Variants in RAB3GAP2 observed in about 807,000 individuals in gnomAD.
RAB3GAP2 encodes the protein rab3 GTPase-activating protein non-catalytic subunit.
A neutral mutation model predicts 185.3 loss-of-function variants in RAB3GAP2; 87 were observed. The ratio of observed to expected loss-of-function variants is 0.47; its 90% CI spans 0.39 to 0.56. The LOEUF (loss-of-function observed/expected upper bound fraction) is 0.56. Ranked by LOEUF, RAB3GAP2 falls within the 20% of genes least tolerant of loss-of-function variation. The probability of loss-of-function intolerance (pLI) is 0.00; values close to 1 mark genes in which losing one functional copy is unlikely to be tolerated. For missense variants in RAB3GAP2, 1,492 were observed against 1,638.2 expected, an observed-to-expected ratio of 0.91 and a Z score of 1.54; for synonymous variants, 554 against 576.1, an observed-to-expected ratio of 0.96 and a Z score of 0.55.
Position 220,191,105 on chromosome 1 carries a change from G to A in RAB3GAP2, c.1450C>T (p.Pro484Ser), listed in dbSNP as rs757786590. 13 of 1,613,896 alleles carry A rather than the reference G, an allele frequency of 8.1e-6. No individual in the cohort carries two copies. The highest frequency in any genetic ancestry group is 1.1e-5 in the Non-Finnish European group (13 of 1,179,946). ...ILEVWSTQQG[P>S]RVGAFNVGKH... Reference sequence around the variant, plus strand: ...CCCACATTGAAAGCTCCTACTCTAGGTCCCTGCTGTGTGCTCCACACTTCT... The same window carrying A: ...CCCACATTGAAAGCTCCTACTCTAGATCCCTGCTGTGTGCTCCACACTTCT... The change falls in exon 14 of 35, where the codon CCT (proline) becomes TCT (serine). Residue 484 changes from proline to serine, a missense_variant. Coordinates refer to ENST00000358951, the MANE Select transcript of RAB3GAP2 (RefSeq NM_012414.4).
At chr1:220,160,681 C>G (rs1296818096) in intron 28 of RAB3GAP2, among the ~76,000 whole-genome samples, 2 of 152,222 alleles carry the variant, frequency 1.3e-5, no homozygotes, top group African/African-American at 4.8e-5. Context: ...TGCCTCATAT[C>G]TCCAGGACTG....
At chr1:220,165,854 T>C (rs1428500619) in intron 26 of RAB3GAP2, among the ~76,000 whole-genome samples, 2 of 152,228 alleles carry the variant, frequency 1.3e-5, no homozygotes, top group Non-Finnish European at 2.9e-5. Flanking sequence ...TTACAAGCTC[T>C]ATGCAGCAAC....
chr1:220,212,493 T>TA (rs929746111), intron 4 of RAB3GAP2, among the ~76,000 whole-genome samples: 3 of 150,908 alleles, frequency 2.0e-5, no homozygotes, highest in African/African-American at 7.3e-5. Context: ...TTTCTTATTC[T>TA]AAAAAATTTT....
chr1:220,191,546 C>G (rs1658620662), intron 13 of RAB3GAP2, among the ~76,000 whole-genome samples: 1 of 152,078 alleles, frequency 6.6e-6, no homozygotes, highest in Non-Finnish European at 1.5e-5. Context: ...TGGCTGGGCA[C>G]AGTGGGTCAT....
chr1:220,185,458 A>C (rs971839824), intron 18 of RAB3GAP2, among the ~76,000 whole-genome samples, 193 bp downstream of exon 18: 1 of 152,172 alleles, frequency 6.6e-6, no homozygotes, highest in African/African-American at 2.4e-5. Context: ...CAGTCAATAC[A>C]TTCAAAGACA....
intron 1 of RAB3GAP2, 100 bp from the exon 2 acceptor site, chr1:220,232,963 G>A: frequency 1.1e-6 from 1 of 925,760 alleles, no homozygotes; most frequent in African/African-American, 1.6e-5. Context: ...CCTGTATAAT[G>A]CTGATATTAA....
chr1:220,214,946 T>TATATATA lies in RAB3GAP2; in HGVS notation c.181-968_181-967insTATATAT, dbSNP rs1659158999. 1.0e-3 allele frequency among the ~76,000 whole-genome samples: 93 copies of TATATATA among 89,620 alleles called. 3 individuals carry two copies. In the East Asian group the frequency reaches 0.034, roughly 33 times the overall value. The allele number at this position is 89,620 out of a possible 152,430, so 58.8% of individuals were successfully genotyped here. Reference sequence around the variant, plus strand: ...CCTTTTTCTTACAAGAATAGTAGCATTATATATATATATATATATATATAT... The same window carrying TATATATA: ...CCTTTTTCTTACAAGAATAGTAGCATATATATATATATATATATATATATATATATAT... On this transcript the variant is annotated intron_variant, in intron 2 of 34. Transcript: ENST00000358951.
chr1:220,236,921 T>C (rs1388474712), intron 1 of RAB3GAP2, among the ~76,000 whole-genome samples: 1 of 152,230 alleles, frequency 6.6e-6, no homozygotes, highest in East Asian at 1.9e-4. Context: ...GGAATATTAC[T>C]ATAAGGCCTT....
intron 21 of RAB3GAP2, among the ~76,000 whole-genome samples, chr1:220,173,499 T>C (rs1339633115): frequency 6.6e-6 from 1 of 152,190 alleles, no homozygotes; most frequent in African/African-American, 2.4e-5. Context: ...TTAGTTTAAA[T>C]GAATTATTTC....
chr1:220,179,758 G>A (rs1658365349), intron 21 of RAB3GAP2, among the ~76,000 whole-genome samples: 1 of 152,100 alleles, frequency 6.6e-6, no homozygotes. Context: ...ACATGCTACT[G>A]AACAACCAAT....
rs757551395 is a variant in RAB3GAP2 at position 220,191,176 on chromosome 1, C to G, written c.1379G>C (p.Arg460Pro). The G allele has an allele frequency of 3.1e-6, 5 of 1,613,976 alleles. No individual in the cohort carries two copies. The highest frequency in any genetic ancestry group is 4.2e-6 in the Non-Finnish European group (5 of 1,179,966). Residue 460 changes from arginine (R) to proline (P), a missense_variant, in exon 14 of 35, where the codon CGA becomes CCA. By Grantham distance (103) the Arg-to-Pro change is moderately radical. Coordinates refer to ENST00000358951, the MANE Select transcript of RAB3GAP2 (RefSeq NM_012414.4). ...SPFGNSQGPSRVAQFLVIYAP... is the reference protein window; with the variant it reads ...SPFGNSQGPSPVAQFLVIYAP... ...ATAGATCACAAGGAATTGAGCTACT[C>G]GACTTGGACCCTGAGAATTTCCAAA...
intron 21 of RAB3GAP2, among the ~76,000 whole-genome samples, chr1:220,180,255 A>G (rs539613030): frequency 6.6e-6 from 1 of 152,296 alleles, no homozygotes; most frequent in South Asian, 2.1e-4. Context: ...GAAACTAGAA[A>G]AGCAAGAACC....
At chr1:220,227,532 G>T (rs1012512937) in intron 2 of RAB3GAP2, among the ~76,000 whole-genome samples, 12 of 152,194 alleles carry the variant, frequency 7.9e-5, no homozygotes, top group African/African-American at 2.9e-4. Flanking sequence ...GTAGCAGCCA[G>T]TTGGCCTCCA....
chr1:220,177,033 C>A (rs560975298), intron 21 of RAB3GAP2, among the ~76,000 whole-genome samples: 3 of 152,248 alleles, frequency 2.0e-5, no homozygotes, highest in Non-Finnish European at 4.4e-5. Flanking sequence ...AGTCTCACTT[C>A]TACCCCCTCT....
In RAB3GAP2 at chr1:220,167,522, A is replaced by G; in HGVS notation, c.2960T>C (p.Met987Thr). 1 of 1,614,100 alleles carries G rather than the reference A, an allele frequency of 6.2e-7. No individual in the cohort carries two copies. The highest frequency in any genetic ancestry group is 8.5e-7 in the Non-Finnish European group (1 of 1,180,018). The stretch of plus-strand genomic sequence containing the variant: ...ATCACCTGGTATGGCTCCTAAGTCC[A>G]TCTCCATCTCTGATACCTCAAGGAA... ...RSFLEVSEME[M>T]DLGAIPDLLH... The change falls in exon 25 of 35, where the codon ATG becomes ACG. Residue 987 changes from methionine (M) to threonine (T), a missense_variant. By Grantham distance (81) the Met-to-Thr change is moderately conservative. Coordinates refer to ENST00000358951, the MANE Select transcript of RAB3GAP2 (RefSeq NM_012414.4).
intron 1 of RAB3GAP2, among the ~76,000 whole-genome samples, chr1:220,250,012 T>C (rs762439294): frequency 2.0e-5 from 3 of 152,088 alleles, no homozygotes; most frequent in Non-Finnish European, 2.9e-5. Flanking sequence ...AAATGTGGGG[T>C]ACAAGCCCCC....
At chr1:220,221,958 C>G (rs1558160931) in intron 2 of RAB3GAP2, among the ~76,000 whole-genome samples, 1 of 152,142 alleles carries the variant, frequency 6.6e-6, no homozygotes, top group Non-Finnish European at 1.5e-5. Flanking sequence ...TACGATAAGT[C>G]CATCATTTGC....
intron 1 of RAB3GAP2, among the ~76,000 whole-genome samples, chr1:220,239,959 C>T (rs1381237361): frequency 6.7e-6 from 1 of 148,674 alleles, no homozygotes; most frequent in East Asian, 2.0e-4. Context: ...CCATTGAGTT[C>T]CCAAATAAAC....
intron 12 of RAB3GAP2, among the ~76,000 whole-genome samples, chr1:220,194,164 G>A (rs1658678681): frequency 6.6e-6 from 1 of 151,680 alleles, no homozygotes; most frequent in South Asian, 2.1e-4. Context: ...CCTTCATGGT[G>A]GTACTTTATA....
Sources: gnomAD v4.1 joint callset for allele counts (sites outside exome capture counted in the v4.1 genomes callset) on GRCh38, gnomAD v4.1.1 for gene constraint, MANE v1.5 for transcripts, NCBI Gene and HGNC (gene_info 2026-07-23, HGNC 2026-07-21) for gene names.